The following SMOC1 variants were observed in gnomAD, a reference collection of about 807,000 sequenced individuals.
The protein encoded by SMOC1 is SPARC-related modular calcium-binding protein 1.
In SMOC1, 22 loss-of-function variants were observed where a neutral mutation model predicts 56.3. That is an observed-to-expected ratio of 0.39 (90% CI 0.28 to 0.56). The LOEUF (loss-of-function observed/expected upper bound fraction) is 0.56. Among genes scored for constraint, SMOC1 ranks in the 20% least tolerant of loss-of-function variants. SMOC1 has a pLI of 0.61. For synonymous variants in SMOC1, 193 were observed against 215.0 expected (o/e 0.90, Z 0.89); for missense variants, 509 against 565.4 (o/e 0.90, Z 1.01).
intron 3 of SMOC1, among the ~76,000 whole-genome samples, chr14:69,968,638 C>A (rs2032805825): frequency 6.6e-6 from 1 of 152,220 alleles, no homozygotes; most frequent in African/African-American, 2.4e-5. Flanking sequence ...AATCCAAAAA[C>A]CCTGCTATCC....
intron 1 of SMOC1, among the ~76,000 whole-genome samples, chr14:69,912,187 G>C (rs755666236): frequency 3.3e-5 from 5 of 152,190 alleles, no homozygotes; most frequent in Non-Finnish European, 5.9e-5. Flanking sequence ...AATAGCACAA[G>C]TATATTGAAT....
chr14:69,953,573 G>A (rs775088503), intron 3 of SMOC1, 41 bp downstream of exon 3: 12 of 1,554,734 alleles, frequency 7.7e-6, no homozygotes, highest in Admixed American at 1.7e-5. Flanking sequence ...TTCCTGGACC[G>A]AGGCAGAGGG....
chr14:69,903,840 A>G (rs1236682873), intron 1 of SMOC1, among the ~76,000 whole-genome samples: 1 of 150,748 alleles, frequency 6.6e-6, no homozygotes, highest in Non-Finnish European at 1.5e-5. Flanking sequence ...CCTTCCCTCC[A>G]CTATTGTCCT....
chr14:69,880,150 C>G lies in SMOC1; in HGVS notation c.99+373C>G, dbSNP rs1165178842. On this transcript the variant is annotated intron_variant, in intron 1 of 11. Coordinates refer to ENST00000361956, the MANE Select transcript of SMOC1 (RefSeq NM_001034852.3). ...GGTCTCACGCTGGCGCCCGGTCCAGCGCGCTGGAGTTGTTGGCAGGCGGCG... is the reference window on the plus strand; with the variant it reads ...GGTCTCACGCTGGCGCCCGGTCCAGGGCGCTGGAGTTGTTGGCAGGCGGCG... 3.4e-5 allele frequency among the ~76,000 whole-genome samples: 5 copies of G among 147,378 alleles called. No individual in the cohort carries two copies. The South Asian group carries it at 8.9e-4, about 26-fold the overall frequency.
chr14:69,894,015 C>A (rs888119145), intron 1 of SMOC1, among the ~76,000 whole-genome samples: 1 of 152,162 alleles, frequency 6.6e-6, no homozygotes, highest in Non-Finnish European at 1.5e-5. Flanking sequence ...AGGAGACCAA[C>A]CCTGCCAGCA....
Position 69,978,368 on chromosome 14 carries a change from C to A in SMOC1, c.526+403C>A, listed in dbSNP as rs575023466. Reference sequence around the variant, plus strand: ...GTGTAAGCACATTTGGGCATTTTTCCCCCCTCGCTGATGCTCCTTCATAAT... The same window carrying A: ...GTGTAAGCACATTTGGGCATTTTTCACCCCTCGCTGATGCTCCTTCATAAT... On this transcript the variant is annotated intron_variant, in intron 5 of 11. Coordinates refer to ENST00000361956, the MANE Select transcript of SMOC1 (RefSeq NM_001034852.3). 4.6e-5 allele frequency among the ~76,000 whole-genome samples: 7 copies of A among 152,268 alleles called. No homozygotes were observed. The East Asian group carries it at 1.4e-3, about 29-fold the overall frequency.
chr14:69,956,447 GC>G (rs1376692488), intron 3 of SMOC1, among the ~76,000 whole-genome samples: 9 of 114,430 alleles, frequency 7.9e-5, no homozygotes, highest in African/African-American at 3.2e-4. Context: ...ACTTAGCTGG[GC>G]TTTTTTTTTT....
intron 1 of SMOC1, among the ~76,000 whole-genome samples, chr14:69,893,082 T>G (rs1234577809): frequency 2.0e-5 from 3 of 152,246 alleles, no homozygotes; most frequent in Admixed American, 2.0e-4. Context: ...CCTGCATTTC[T>G]TTTGCATTTT....
intron 1 of SMOC1, among the ~76,000 whole-genome samples, chr14:69,951,602 G>A (rs879839552): frequency 2.0e-5 from 3 of 152,154 alleles, no homozygotes; most frequent in Admixed American, 6.5e-5. Flanking sequence ...AGCTCACTAC[G>A]ATCTAATAAA....
At chr14:69,903,013 A>G (rs1884292090) in intron 1 of SMOC1, among the ~76,000 whole-genome samples, 1 of 152,140 alleles carries the variant, frequency 6.6e-6, no homozygotes, top group Admixed American at 6.5e-5. Flanking sequence ...CAAAGTGCCT[A>G]GATTGCAGCC....
At chr14:70,013,544 T>G in intron 10 of SMOC1, 53 bp downstream of exon 10, 1 of 1,469,086 alleles carries the variant, frequency 6.8e-7, no homozygotes, top group Non-Finnish European at 9.5e-7. Flanking sequence ...GGCCCCTGAC[T>G]TTTCAAATGC....
intron 7 of SMOC1, among the ~76,000 whole-genome samples, chr14:70,010,364 G>T (rs1158929636): frequency 6.6e-6 from 1 of 152,188 alleles, no homozygotes; most frequent in Admixed American, 6.5e-5. Context: ...CCAGGCTCCT[G>T]CACCCACCTC....
At chr14:69,895,410 A>C (rs1412147265) in intron 1 of SMOC1, among the ~76,000 whole-genome samples, 1 of 152,214 alleles carries the variant, frequency 6.6e-6, no homozygotes, top group Non-Finnish European at 1.5e-5. Context: ...TAGCAATGAG[A>C]TCAATGTAAA....
chr14:69,998,682 G>A (rs1390928446), intron 7 of SMOC1, among the ~76,000 whole-genome samples: 1 of 152,122 alleles, frequency 6.6e-6, no homozygotes. Flanking sequence ...TTCTGGGCAA[G>A]TATAATCTCT....
At chr14:69,968,698 A>C (rs529375869) in intron 3 of SMOC1, among the ~76,000 whole-genome samples, 2 of 151,372 alleles carry the variant, frequency 1.3e-5, no homozygotes, top group Non-Finnish European at 3.0e-5. Context: ...TCATACTCTC[A>C]CTGCCAAAAG....
At chr14:69,974,530 G>A (rs1006559980) in intron 3 of SMOC1, among the ~76,000 whole-genome samples, 2 of 152,152 alleles carry the variant, frequency 1.3e-5, no homozygotes, top group Admixed American at 6.5e-5. Context: ...AATAGATGGA[G>A]GCAGATCACA....
At chr14:69,956,575 CA>C (rs1883195664) in intron 3 of SMOC1, among the ~76,000 whole-genome samples, 1 of 151,508 alleles carries the variant, frequency 6.6e-6, no homozygotes, top group Non-Finnish European at 1.5e-5. Context: ...AATTATTACA[CA>C]GTAACCCTCT....
At chr14:69,895,363 A>G (rs1884067527) in intron 1 of SMOC1, among the ~76,000 whole-genome samples, 1 of 152,216 alleles carries the variant, frequency 6.6e-6, no homozygotes, top group Non-Finnish European at 1.5e-5. Flanking sequence ...GAAGAAGTAA[A>G]GGTAGATCTT....
chr14:69,982,617 C>A (rs936428563), intron 5 of SMOC1, among the ~76,000 whole-genome samples: 1 of 152,232 alleles, frequency 6.6e-6, no homozygotes, highest in Non-Finnish European at 1.5e-5. Flanking sequence ...CTGAGCCTGG[C>A]AGAGCCGTGT....
Sources: gnomAD v4.1 joint callset for allele counts (sites outside exome capture counted in the v4.1 genomes callset) on GRCh38, gnomAD v4.1.1 for gene constraint, MANE v1.5 for transcripts, NCBI Gene and HGNC (gene_info 2026-07-23, HGNC 2026-07-21) for gene names.